ESR1: variants seen among roughly 807,000 people sequenced by gnomAD.
ESR1 encodes estrogen receptor 1, also known as estrogen receptor.
Under a neutral mutation model 52.7 loss-of-function variants are expected in ESR1, and 12 were observed. The ratio of observed to expected loss-of-function variants is 0.23; its 90% confidence interval spans 0.15 to 0.37. The LOEUF is 0.37. ESR1 is among the 10% of genes least tolerant of loss of function. The probability of loss-of-function intolerance (pLI) is 1.00; values close to 1 mark genes in which losing one functional copy is unlikely to be tolerated. For synonymous variants in ESR1, 305 were observed against 316.8 expected (o/e 0.96, Z 0.39); for missense variants, 584 against 779.7 (o/e 0.75, Z 2.99).
At chr6:152,074,260 C>T (rs1001780264) in intron 6 of ESR1, among the ~76,000 whole-genome samples, 1 of 152,174 alleles carries the variant, frequency 6.6e-6, no homozygotes, top group Non-Finnish European at 1.5e-5. Flanking sequence ...CTCCCTCCAC[C>T]CCATTCCTGG....
At chr6:152,003,606 T>C (rs966729815) in intron 4 of ESR1, among the ~76,000 whole-genome samples, 5 of 151,928 alleles carry the variant, frequency 3.3e-5, no homozygotes, top group African/African-American at 4.8e-5. Context: ...ATCATTCTCT[T>C]ATTAGGTAAC....
intron 2 of ESR1, among the ~76,000 whole-genome samples, chr6:151,703,864 G>T (rs1333031996): frequency 6.6e-6 from 1 of 152,120 alleles, no homozygotes; most frequent in Non-Finnish European, 1.5e-5. Context: ...TTCCAGAAAG[G>T]TCTAAGGTGC....
rs2050915963 is a variant in ESR1 at position 152,100,228 on chromosome 6, C to T, written c.*1262C>T. ...CCCTGGTTGGAAGAAGCAGCTGTCACAGCTGCTGTAGACAGCTGTGTTCCT... is the reference window on the plus strand; with the variant it reads ...CCCTGGTTGGAAGAAGCAGCTGTCATAGCTGCTGTAGACAGCTGTGTTCCT... On this transcript the variant is annotated 3_prime_UTR_variant, in exon 8 of 8. Coordinates refer to ENST00000206249, the MANE Select transcript of ESR1 (RefSeq NM_000125.4). The T allele has an allele frequency of 5.0e-6, 2 of 396,228 alleles. No homozygotes were observed. Among genetic ancestry groups the T allele is most frequent in the Non-Finnish European group, 8.9e-6 (2 of 225,176 alleles). The allele number at this position is 396,228 out of a possible 1,614,324, so 24.5% of individuals were successfully genotyped here.
Position 151,842,701 on chromosome 6 carries a change from C to T in ESR1, c.557C>T (p.Ala186Val), listed in dbSNP as rs2128234529. Residue 186 changes from alanine to valine, a missense_variant, in exon 2 of 8, where the codon GCA becomes GTA. Physicochemically the swap from Ala to Val is moderately conservative, Grantham distance 64 (BLOSUM62 0). Around this residue, in one of 6 missense-constraint regions of ESR1, gnomAD observed 8 missense variants for 36.9 expected, o/e 0.22. Transcript: ENST00000206249. ...MESAKETRYC[A>V]VCNDYASGYH... ...TCTGCCAAGGAGACTCGCTACTGTG[C>T]AGTGTGCAATGACTATGCTTCAGGC... The T allele has an allele frequency of 6.2e-7, 1 of 1,613,936 alleles. No homozygotes were observed. The highest frequency in any genetic ancestry group is 8.5e-7 in the Non-Finnish European group (1 of 1,179,878).
In ESR1 at chr6:151,808,152, C is replaced by T. The variant is rs2128156504; in HGVS notation, c.240C>T (p.Tyr80=). The T allele has an allele frequency of 5.6e-6, 9 of 1,598,694 alleles. No individual in the cohort carries two copies. Among genetic ancestry groups the T allele is most frequent in the Non-Finnish European group, 6.8e-6 (8 of 1,173,196 alleles). ...AQVYGQTGLP[Y]GPGSEAAAFG... Reference sequence around the variant, plus strand: ...TCTACGGTCAGACCGGCCTCCCCTACGGCCCCGGGTCTGAGGCTGCGGCGT... The same window carrying T: ...TCTACGGTCAGACCGGCCTCCCCTATGGCCCCGGGTCTGAGGCTGCGGCGT... Residue 80 remains tyrosine (Y), a synonymous_variant, in exon 1 of 8, where the codon TAC becomes TAT. Coordinates refer to ENST00000206249, the MANE Select transcript of ESR1 (RefSeq NM_000125.4).
chr6:151,880,785 T>G lies in ESR1; in HGVS notation c.760+14T>G. On this transcript the variant is annotated intron_variant, in intron 3 of 7. Transcript: ENST00000206249. The stretch of plus-strand genomic sequence containing the variant: ...TGATGAAAGGTGGTAGGTACATCTC[T>G]CCCAGGGGCCCTTGGGGATGGCCCT... The G allele has an allele frequency of 5.0e-6, 7 of 1,402,782 alleles. No individual in the cohort carries two copies. The highest frequency in any genetic ancestry group is 7.1e-6 in the Non-Finnish European group (7 of 987,478). 86.9% of individuals were successfully genotyped at this position (1,402,782 alleles called of 1,614,324 possible). A position where few individuals can be genotyped will look rare whatever the true frequency, so the allele number is the denominator to read the frequency against.
chr6:151,845,419 A>G (rs1378547503), intron 2 of ESR1, among the ~76,000 whole-genome samples: 1 of 152,042 alleles, frequency 6.6e-6, no homozygotes, highest in Non-Finnish European at 1.5e-5. Flanking sequence ...AAATATGAAA[A>G]TTAGCTGAGC....
intron 2 of ESR1, among the ~76,000 whole-genome samples, chr6:151,736,780 G>A (rs1782714311): frequency 2.0e-5 from 3 of 152,064 alleles, no homozygotes; most frequent in Non-Finnish European, 4.4e-5. Context: ...ATAGGAAAGC[G>A]GTACAGTGAC....
At chr6:151,817,131 C>T (rs1028555624) in intron 1 of ESR1, among the ~76,000 whole-genome samples, 1 of 152,098 alleles carries the variant, frequency 6.6e-6, no homozygotes, top group East Asian at 1.9e-4. Flanking sequence ...TCTACAAGGA[C>T]GTCTTTTTCA....
chr6:151,994,159 TGA>T (rs1244375425), intron 4 of ESR1, among the ~76,000 whole-genome samples: 1 of 152,170 alleles, frequency 6.6e-6, no homozygotes, highest in Non-Finnish European at 1.5e-5. Context: ...GACAAAAGTT[TGA>T]GAGTACTCAG....
At chr6:152,066,662 G>A (rs1000818424) in intron 6 of ESR1, among the ~76,000 whole-genome samples, 2 of 152,178 alleles carry the variant, frequency 1.3e-5, no homozygotes, top group African/African-American at 4.8e-5. Context: ...GTATTCTGTA[G>A]GCAGCCACTC....
intron 2 of ESR1, among the ~76,000 whole-genome samples, chr6:151,740,511 A>G (rs925831983): frequency 1.3e-5 from 2 of 151,660 alleles, no homozygotes; most frequent in Non-Finnish European, 2.9e-5. Context: ...AGCTGACAAA[A>G]TGGCTCTCAC....
chr6:152,123,314 A>G (rs1199594899), intron 6 of ESR1, among the ~76,000 whole-genome samples: 2 of 152,216 alleles, frequency 1.3e-5, no homozygotes, highest in Non-Finnish European at 2.9e-5. Context: ...GAGTCTGTCT[A>G]CAGAACACTG....
rs141890402 is a variant in ESR1, at chr6:152,094,197, G to A, written c.1370-188G>A. On this transcript the variant is annotated intron_variant, in intron 6 of 7. Transcript: ENST00000206249. The surrounding 1 kb of genome is among the most constrained non-coding windows in gnomAD (Gnocchi z 4.6). ...GCCCTCCTTGGTTTGCTGGTGCTCT[G>A]AGACTTGCAAATGCATTAGGAATTT... Among the ~76,000 whole-genome samples, 1 of 152,260 alleles carries A rather than the reference G, an allele frequency of 6.6e-6. No individual in the cohort carries two copies. Among genetic ancestry groups the A allele is most frequent in the Non-Finnish European group, 1.5e-5 (1 of 68,018 alleles).
chr6:151,876,957 CTT>C (rs1791928728), intron 2 of ESR1, among the ~76,000 whole-genome samples: 1 of 150,560 alleles, frequency 6.6e-6, no homozygotes, highest in African/African-American at 2.5e-5. Context: ...CGAGTCCTGT[CTT>C]TTCAGTTAAA....
chr6:151,986,264 A>G (rs1488765464), intron 4 of ESR1, among the ~76,000 whole-genome samples: 1 of 152,166 alleles, frequency 6.6e-6, no homozygotes, highest in Non-Finnish European at 1.5e-5. Flanking sequence ...ATATTTTAAT[A>G]CGATATTTGT....
chr6:151,811,760 G>A (rs35310898), intron 1 of ESR1, among the ~76,000 whole-genome samples: 1,593 of 152,004 alleles, frequency 0.01, 27 homozygotes, highest in African/African-American at 0.037. Flanking sequence ...TACTGATTAC[G>A]TGACACTTTG....
intron 2 of ESR1, among the ~76,000 whole-genome samples, chr6:151,749,609 T>C (rs1300671734): frequency 6.6e-6 from 1 of 152,140 alleles, no homozygotes; most frequent in Non-Finnish European, 1.5e-5. Context: ...ATTGTACACA[T>C]TACTTCTGAA....
In ESR1 at chr6:152,061,176, G is replaced by A; in HGVS notation, c.1369+52G>A. ...ATGCTGGATGAAATGTTTATTTGTAGTTTTCAACCAGATACGATCTACCCA... is the reference window on the plus strand; with the variant it reads ...ATGCTGGATGAAATGTTTATTTGTAATTTTCAACCAGATACGATCTACCCA... On this transcript the variant is annotated intron_variant, in intron 6 of 7. Coordinates refer to ENST00000206249, the MANE Select transcript of ESR1 (RefSeq NM_000125.4). The surrounding 1 kb of genome is among the most constrained non-coding windows in gnomAD (Gnocchi z 4.3). 3.8e-6 allele frequency: 6 copies of A among 1,581,216 alleles called. No homozygotes were observed. The highest frequency in any genetic ancestry group is 5.2e-6 in the Non-Finnish European group (6 of 1,151,110).
Sources: gnomAD v4.1 joint callset for allele counts (sites outside exome capture counted in the v4.1 genomes callset) on GRCh38, gnomAD v4.1.1 for gene constraint, gnomAD v4.1.1 regional missense constraint, Gnocchi (gnomAD v3.1) non-coding constraint, MANE v1.5 for transcripts, NCBI Gene and HGNC (gene_info 2026-07-23, HGNC 2026-07-21) for gene names.